Variants in KAT6A observed in about 807,000 individuals in gnomAD.
KAT6A encodes the protein histone acetyltransferase KAT6A.
In KAT6A, 9 loss-of-function variants were observed where a neutral mutation model predicts 198.4. That is an observed-to-expected ratio of 0.05 (90% CI 0.03 to 0.08). The LOEUF (loss-of-function observed/expected upper bound fraction) is 0.08. Among genes scored for constraint, KAT6A ranks in the 10% least tolerant of loss-of-function variants. KAT6A has a pLI of 1.00. For synonymous variants in KAT6A, 890 were observed against 883.0 expected, an observed-to-expected ratio of 1.01 and a Z score of -0.14; for missense variants, 2,077 against 2,509.9, an observed-to-expected ratio of 0.83 and a Z score of 3.69.
intron 2 of KAT6A, among the ~76,000 whole-genome samples, chr8:41,995,271 A>C (rs531797006): frequency 2.0e-5 from 3 of 152,336 alleles, no homozygotes; most frequent in African/African-American, 7.2e-5. Context: ...TTGTTTACAA[A>C]GCAATCTCAC....
At chr8:41,992,889 AG>A (rs1825012542) in intron 2 of KAT6A, among the ~76,000 whole-genome samples, 1 of 152,202 alleles carries the variant, frequency 6.6e-6, no homozygotes. Flanking sequence ...CAAACATAAA[AG>A]GGAAAAAAAG....
At chr8:41,991,263 A>T (rs1407802030) in intron 2 of KAT6A, among the ~76,000 whole-genome samples, 1 of 152,250 alleles carries the variant, frequency 6.6e-6, no homozygotes, top group Non-Finnish European at 1.5e-5. Context: ...TTAGGTGGTT[A>T]AACAGATAAA....
At chr8:42,011,459 C>T (rs995922060) in intron 2 of KAT6A, among the ~76,000 whole-genome samples, 2 of 152,162 alleles carry the variant, frequency 1.3e-5, no homozygotes, top group Non-Finnish European at 2.9e-5. Context: ...CTACTTCGGC[C>T]GGGTGCGGTG....
At chr8:41,967,023 A>G (rs1251835421) in intron 8 of KAT6A, among the ~76,000 whole-genome samples, 1 of 152,154 alleles carries the variant, frequency 6.6e-6, no homozygotes, top group African/African-American at 2.4e-5. Flanking sequence ...CTGTATTTTT[A>G]ATAATGATTT....
chr8:42,018,602 T>C (rs1353292262), intron 2 of KAT6A, among the ~76,000 whole-genome samples: 2 of 152,220 alleles, frequency 1.3e-5, no homozygotes, highest in Admixed American at 6.5e-5. Context: ...GAAAATTATA[T>C]GTATCAACAC....
chr8:41,941,023 T>C lies in KAT6A; in HGVS notation c.2858A>G (p.Lys953Arg). 1 of 1,614,190 alleles carries C rather than the reference T, an allele frequency of 6.2e-7. No individual in the cohort carries two copies. The highest frequency in any genetic ancestry group is 2.2e-5 in the East Asian group (1 of 44,866). ...TCTGCACTTCAGAGCCTCAGGGCTT[T>C]TCTTGAGCTGTCCTCGCCAGGGCTC... ...GVEPWRGQLK[K>R]SPEALKCRLT... Residue 953 changes from lysine (K) to arginine (R), a missense_variant, in exon 15 of 17, where the codon AAA becomes AGA. Transcript: ENST00000265713.
intron 2 of KAT6A, among the ~76,000 whole-genome samples, chr8:41,988,466 C>T (rs1824739791): frequency 6.6e-6 from 1 of 152,052 alleles, no homozygotes; most frequent in Non-Finnish European, 1.5e-5. Context: ...GGACTTTATC[C>T]TATAGGCAAG....
chr8:42,032,141 G>T lies in KAT6A; in HGVS notation c.600+16237C>A, dbSNP rs139984164. On this transcript the variant is annotated intron_variant, in intron 2 of 16. Coordinates refer to ENST00000265713, the MANE Select transcript of KAT6A (RefSeq NM_006766.5). ...AGACAGGGTTTTGCCGTGTTAGCCA[G>T]GAGTACTTGTTTTTTAATGCTTGTC... is the stretch of plus-strand genomic sequence containing the variant. 6.7e-3 allele frequency among the ~76,000 whole-genome samples: 1,013 copies of T among 152,244 alleles called. 17 individuals carry two copies. Among genetic ancestry groups the T allele is most frequent in the African/African-American group, 0.022 (916 of 41,534 alleles).
chr8:41,994,872 G>A (rs537458568), intron 2 of KAT6A, among the ~76,000 whole-genome samples: 125 of 151,710 alleles, frequency 8.2e-4, no homozygotes, highest in African/African-American at 2.9e-3. Flanking sequence ...CCTGGCCAAC[G>A]TGGTGAAACC....
intron 8 of KAT6A, among the ~76,000 whole-genome samples, chr8:41,967,813 A>G (rs1385702982): frequency 6.6e-6 from 1 of 152,118 alleles, no homozygotes; most frequent in African/African-American, 2.4e-5. Flanking sequence ...CCTCAGAAAT[A>G]ACGTCGCATA....
At chr8:41,948,758 G>T (rs1822518444) in intron 10 of KAT6A, among the ~76,000 whole-genome samples, 1 of 150,828 alleles carries the variant, frequency 6.6e-6, no homozygotes, top group South Asian at 2.1e-4. Context: ...AGACTGAGGG[G>T]ATCCTGACAA....
chr8:41,980,701 CTT>C (rs1824308603), intron 5 of KAT6A, 143 bp downstream of exon 5: 1 of 666,132 alleles, frequency 1.5e-6, no homozygotes, highest in Non-Finnish European at 2.7e-6. Flanking sequence ...ATCCCCCCAC[CTT>C]TTAAGGTGAC....
intron 2 of KAT6A, among the ~76,000 whole-genome samples, chr8:42,024,811 T>C (rs1191325653): frequency 6.6e-6 from 1 of 152,214 alleles, no homozygotes; most frequent in East Asian, 1.9e-4. Flanking sequence ...TATATATACA[T>C]ATACATTTAT....
rs1212819594 is a variant in KAT6A, at chr8:42,007,987, AT to A, written c.601-20425del. ...AAAAAAAAAAAAAAAAAAAAAAAAAATTTTTATTGTTAACTTCATAATCCCA... is the reference window on the plus strand; with the variant it reads ...AAAAAAAAAAAAAAAAAAAAAAAAAATTTTATTGTTAACTTCATAATCCCA... On this transcript the variant is annotated intron_variant, in intron 2 of 16. Transcript: ENST00000265713. 1.4e-3 allele frequency among the ~76,000 whole-genome samples: 177 copies of A among 124,336 alleles called. 6 individuals are homozygous for A. The highest frequency in any genetic ancestry group is 7.4e-3 in the South Asian group (23 of 3,092). The allele number at this position is 124,336 out of a possible 152,430, so 81.6% of individuals were successfully genotyped here.
chr8:41,943,683 T>A, intron 13 of KAT6A, 65 bp downstream of exon 13: 1 of 1,046,484 alleles, frequency 9.6e-7, no homozygotes. Flanking sequence ...ATAATCTGAC[T>A]GGCTGATCCA....
rs199747682 is a variant in KAT6A, at chr8:41,946,863, A to AT, written c.1903-180dup. 2.0e-3 allele frequency among the ~76,000 whole-genome samples: 303 copies of AT among 152,320 alleles called. 8 individuals are homozygous for AT. In the East Asian group the frequency reaches 0.02, roughly 10 times the overall value. ...GATAGGATAATGTCAAGTCACTGCC[A>AT]TTACCCACAAAGCAACCATCCCAGG... On this transcript the variant is annotated intron_variant, in intron 11 of 16. Transcript: ENST00000265713.
intron 5 of KAT6A, among the ~76,000 whole-genome samples, chr8:41,979,972 C>T (rs1824266016): frequency 6.6e-6 from 1 of 151,788 alleles, no homozygotes. Context: ...CAGAGTGAGA[C>T]TCCATGGGTG....
intron 8 of KAT6A, chr8:41,957,572 C>T: frequency 4.3e-6 from 1 of 235,098 alleles, no homozygotes; most frequent in South Asian, 4.9e-5. Context: ...AAATGTTTAA[C>T]TCAAATTCTG....
intron 3 of KAT6A, among the ~76,000 whole-genome samples, chr8:41,984,556 A>G (rs1210968154): frequency 6.6e-6 from 1 of 152,200 alleles, no homozygotes; most frequent in Non-Finnish European, 1.5e-5. Flanking sequence ...CAACTCCCAA[A>G]TTCCTGACCT....
Sources: allele counts gnomAD v4.1 joint callset (sites outside exome capture counted in the v4.1 genomes callset), GRCh38; gene constraint gnomAD v4.1.1; transcripts MANE v1.5; gene names NCBI Gene and HGNC (gene_info 2026-07-23, HGNC 2026-07-21).